The following LRP6 variants were observed in gnomAD, a reference collection of about 807,000 sequenced individuals.
LRP6 encodes low-density lipoprotein receptor-related protein 6.
Under a neutral mutation model 184.1 loss-of-function variants are expected in LRP6, and 43 were observed. The ratio of observed to expected loss-of-function variants is 0.23; its 90% CI spans 0.18 to 0.30. The LOEUF (loss-of-function observed/expected upper bound fraction) is 0.30, where lower values mean the gene tolerates loss of function less well. Ranked by LOEUF, LRP6 falls within the 10% of genes least tolerant of loss-of-function variation. The probability of loss-of-function intolerance (pLI) is 1.00; values close to 1 mark genes in which losing one functional copy is unlikely to be tolerated. For synonymous variants in LRP6, 719 were observed against 684.9 expected, an observed-to-expected ratio of 1.05 and a Z score of -0.78; for missense variants, 1,571 against 2,005.3, an observed-to-expected ratio of 0.78 and a Z score of 4.14.
rs1383778608 is a variant in LRP6, at chr12:12,147,518, T to G, written c.3245A>C (p.Lys1082Thr). Reference sequence around the variant, plus strand: ...CCCATCCAAAGCAGCCCGTTCAATTTTAGGAGACCTTTCCTGAAGATTGGT... The same window carrying G: ...CCCATCCAAAGCAGCCCGTTCAATTGTAGGAGACCTTTCCTGAAGATTGGT... ...YFTNLQERSP[K>T]IERAALDGTE... The change falls in exon 15 of 23, where the codon AAA becomes ACA. Residue 1082 changes from lysine (K) to threonine (T), a missense_variant. By Grantham distance (78) the Lys-to-Thr change is moderately conservative (BLOSUM62 -1). This residue lies in a region of LRP6 where 763 missense variants were observed against 859.5 expected (regional missense o/e 0.89). Transcript: ENST00000261349. 1.9e-6 allele frequency: 3 copies of G among 1,613,868 alleles called. No homozygotes were observed. The highest frequency in any genetic ancestry group is 2.5e-6 in the Non-Finnish European group (3 of 1,179,984).
Position 12,120,221 on chromosome 12 carries a change from A to T in LRP6, c.*905T>A, listed in dbSNP as rs1366456866. 5 of 151,826 alleles carry T rather than the reference A, an allele frequency of 3.3e-5. No individual in the cohort carries two copies. The highest frequency in any genetic ancestry group is 2.6e-4 in the Admixed American group (4 of 15,238). The allele number at this position is 151,826 out of a possible 1,614,324, so 9.4% of individuals were successfully genotyped here. ...GAAATAATATGTCTAACTTTTGATCATTATGCAAAAACAGCAGTCAAATTG... is the reference window on the plus strand; with the variant it reads ...GAAATAATATGTCTAACTTTTGATCTTTATGCAAAAACAGCAGTCAAATTG... On this transcript the variant is annotated 3_prime_UTR_variant, in exon 23 of 23. Coordinates refer to ENST00000261349, the MANE Select transcript of LRP6 (RefSeq NM_002336.3).
chr12:12,170,242 G>C (rs887724722), intron 7 of LRP6, among the ~76,000 whole-genome samples: 3 of 152,106 alleles, frequency 2.0e-5, no homozygotes, highest in Non-Finnish European at 2.9e-5. Context: ...GGCTGAGGCA[G>C]AATTGCTTGA....
At position 12,120,144 on chromosome 12, in the gene LRP6, A is replaced by G. The variant is rs1255750113; in HGVS notation, c.*982T>C. 6.6e-6 allele frequency: 1 copy of G among 150,596 alleles called. No homozygotes were observed. The highest frequency in any genetic ancestry group is 2.1e-4 in the South Asian group (1 of 4,770). The allele number at this position is 150,596 out of a possible 1,614,324, so 9.3% of individuals were successfully genotyped here. A position where few individuals can be genotyped will look rare whatever the true frequency, so the allele number is the denominator to read the frequency against. On this transcript the variant is annotated 3_prime_UTR_variant, in exon 23 of 23. Transcript: ENST00000261349. ...TTTTTAATTCTTAAACATTGTCTAT[A>G]TGTGTTGTAAAAAGACATTTTAATG...
At chr12:12,262,608 C>T (rs567584950) in intron 1 of LRP6, among the ~76,000 whole-genome samples, 4 of 150,654 alleles carry the variant, frequency 2.7e-5, no homozygotes, top group Admixed American at 1.3e-4. Context: ...AGATTACACA[C>T]ACCGATGGTA....
intron 11 of LRP6, 110 bp downstream of exon 11, chr12:12,159,670 G>C: frequency 2.0e-6 from 2 of 983,118 alleles, no homozygotes; most frequent in Admixed American, 3.8e-5. Flanking sequence ...AAGAAGAATG[G>C]ACACATTCAT....
chr12:12,165,709 G>A (rs1428398303), intron 7 of LRP6, among the ~76,000 whole-genome samples: 1 of 152,070 alleles, frequency 6.6e-6, no homozygotes, highest in Non-Finnish European at 1.5e-5. Context: ...CTTTGCCTAT[G>A]GAAACTGAGA....
chr12:12,199,091 C>A (rs60294394), intron 3 of LRP6, among the ~76,000 whole-genome samples: 1 of 151,302 alleles, frequency 6.6e-6, no homozygotes, highest in African/African-American at 2.4e-5. Flanking sequence ...AAAGGAACAA[C>A]ATGGATGACT....
chr12:12,160,214 C>G (rs1020404272), intron 10 of LRP6, among the ~76,000 whole-genome samples: 6 of 152,104 alleles, frequency 3.9e-5, no homozygotes, highest in African/African-American at 1.4e-4. Flanking sequence ...TCCATCCAAA[C>G]CTAGGAATTG....
chr12:12,207,561 G>A (rs1368555502), intron 2 of LRP6, among the ~76,000 whole-genome samples: 1 of 151,966 alleles, frequency 6.6e-6, no homozygotes, highest in Non-Finnish European at 1.5e-5. Context: ...GCTTTCAGTG[G>A]CAGGCATCAC....
intron 9 of LRP6, 21 bp from the exon 10 acceptor site, chr12:12,162,440 C>G: frequency 1.3e-6 from 2 of 1,586,260 alleles, no homozygotes; most frequent in Admixed American, 1.7e-5. Flanking sequence ...ACATTAACAA[C>G]TAAGTCATAT....
chr12:12,241,670 C>T (rs1024683846), intron 2 of LRP6, among the ~76,000 whole-genome samples: 1 of 152,116 alleles, frequency 6.6e-6, no homozygotes, highest in Non-Finnish European at 1.5e-5. Context: ...CCCTCCTCTG[C>T]CTCCCACATT....
rs4477532 is a variant in LRP6 at position 12,126,427 on chromosome 12, G to A, written c.4312+264C>T. On this transcript the variant is annotated intron_variant, in intron 20 of 22. Coordinates refer to ENST00000261349, the MANE Select transcript of LRP6 (RefSeq NM_002336.3). ...CTGGCTGATTCACCTTCCGTAGCAT[G>A]CATCCAGAATTGCAGTCAGAGAGGC... is the stretch of plus-strand genomic sequence containing the variant. Among the ~76,000 whole-genome samples, 65,571 of 152,094 alleles carry A rather than the reference G, an allele frequency of 0.43. 15,678 individuals are homozygous for A. Among genetic ancestry groups the A allele is most frequent in the East Asian group, 0.8 (4,162 of 5,178 alleles).
At chr12:12,165,403 T>C (rs1862854006) in intron 7 of LRP6, 108 bp from the exon 8 acceptor site, 2 of 796,488 alleles carry the variant, frequency 2.5e-6, no homozygotes. Flanking sequence ...GTCATCTTGG[T>C]ATTCCTATTA....
chr12:12,214,767 G>C (rs1864295080), intron 2 of LRP6, among the ~76,000 whole-genome samples: 1 of 152,146 alleles, frequency 6.6e-6, no homozygotes, highest in African/African-American at 2.4e-5. Flanking sequence ...CCCTAGATAG[G>C]TTTTGGATAA....
At position 12,181,089 on chromosome 12, in the gene LRP6, C is replaced by T. The variant is rs1320498989; in HGVS notation, c.1327G>A (p.Glu443Lys). 6.2e-7 allele frequency: 1 copy of T among 1,614,004 alleles called. No homozygotes were observed. Among genetic ancestry groups the T allele is most frequent in the Non-Finnish European group, 8.5e-7 (1 of 1,179,994 alleles). The change falls in exon 6 of 23, where the codon GAG (glutamate) becomes AAG (lysine). Residue 443 changes from glutamate (E) to lysine (K), a missense_variant. By Grantham distance (56) the Glu-to-Lys change is moderately conservative. Around this residue, in one of 4 missense-constraint regions of LRP6, gnomAD observed 640 missense variants for 851.9 expected, o/e 0.75. Transcript: ENST00000261349. ...NGTMRKILIS[E>K]DLEEPRAIVL... ...ATAGCCCGGGGTTCCTCTAAGTCCT[C>T]TGAAATCAAGATCTTCCTCATGGTC...
chr12:12,253,548 G>A (rs1329473302), intron 1 of LRP6, among the ~76,000 whole-genome samples: 3 of 151,436 alleles, frequency 2.0e-5, no homozygotes, highest in Non-Finnish European at 2.9e-5. Flanking sequence ...TACATTAGGT[G>A]TATCTCCTAA....
At position 12,138,095 on chromosome 12, in the gene LRP6, C is replaced by T. The variant is rs71457132; in HGVS notation, c.3607+230G>A. 0.052 allele frequency among the ~76,000 whole-genome samples: 7,829 copies of T among 151,508 alleles called. 286 individuals are homozygous for T. Among genetic ancestry groups the T allele is most frequent in the Middle Eastern group, 0.17 (50 of 294 alleles). On this transcript the variant is annotated intron_variant, in intron 16 of 22. Coordinates refer to ENST00000261349, the MANE Select transcript of LRP6 (RefSeq NM_002336.3). The stretch of plus-strand genomic sequence containing the variant: ...CTGAGGCATGAGAATCACTTGAACC[C>T]GGGAGGCAGAGGCTGCAGTGAGCCA...
chr12:12,214,153 T>A (rs1199860750), intron 2 of LRP6, among the ~76,000 whole-genome samples: 1 of 151,974 alleles, frequency 6.6e-6, no homozygotes, highest in Non-Finnish European at 1.5e-5. Context: ...AGCACCCCAC[T>A]CTCAAAACAC....
intron 1 of LRP6, among the ~76,000 whole-genome samples, chr12:12,261,407 A>G (rs1303585461): frequency 6.6e-6 from 1 of 152,028 alleles, no homozygotes; most frequent in Non-Finnish European, 1.5e-5. Flanking sequence ...CGTCTCAAAA[A>G]AAAAAAAAAA....
Sources: allele counts gnomAD v4.1 joint callset (sites outside exome capture counted in the v4.1 genomes callset), GRCh38; gene constraint gnomAD v4.1.1; regional missense constraint gnomAD v4.1.1; transcripts MANE v1.5; gene names NCBI Gene and HGNC (gene_info 2026-07-23, HGNC 2026-07-21).